Variants in BICRA observed in about 807,000 individuals in gnomAD.
The protein encoded by BICRA is BRD4-interacting chromatin-remodeling complex-associated protein.
A neutral mutation model predicts 96.9 loss-of-function variants in BICRA; 31 were observed. The ratio of observed to expected loss-of-function variants is 0.32; its 90% confidence interval spans 0.24 to 0.43. BICRA has a LOEUF of 0.43. Ranked by LOEUF, BICRA falls within the 20% of genes least tolerant of loss-of-function variation. BICRA has a pLI of 1.00. For missense variants in BICRA, 2,283 were observed against 2,190.3 expected (o/e 1.04, Z -0.84); for synonymous variants, 1,350 against 1,071.8 (o/e 1.26, Z -5.07).
rs750780687 is a variant in BICRA, at chr19:47,679,738, A to C, written c.568A>C (p.Lys190Gln). 1.3e-6 allele frequency: 2 copies of C among 1,537,500 alleles called. No homozygotes were observed. The highest frequency in any genetic ancestry group is 2.4e-5 in the South Asian group (2 of 82,708). Residue 190 changes from lysine to glutamine, a missense_variant, in exon 6 of 15, where the codon AAG becomes CAG. Transcript: ENST00000594866. ...GGTGCCGCCCCAGGACGTGGTCAAC[A>C]AGGCCCTGAGTGTGCAGCCCTTCCT... ...ALVPPQDVVN[K>Q]ALSVQPFLQP...
In BICRA at chr19:47,682,161, AC is replaced by A; in HGVS notation, c.2283+13del. On this transcript the variant is annotated intron_variant, in intron 7 of 14. Transcript: ENST00000594866. Reference sequence around the variant, plus strand: ...CGGCTCCGGCCCCCCAGGTAGAGGGACCCCAGCAGCCTGTGTCCGCAGCACA... The same window carrying A: ...CGGCTCCGGCCCCCCAGGTAGAGGGACCCAGCAGCCTGTGTCCGCAGCACA... 4.5e-6 allele frequency: 6 copies of A among 1,334,172 alleles called. No homozygotes were observed. Among genetic ancestry groups the A allele is most frequent in the Non-Finnish European group, 4.1e-6 (4 of 978,296 alleles). 82.6% of individuals were successfully genotyped at this position (1,334,172 alleles called of 1,614,324 possible).
intron 7 of BICRA, among the ~76,000 whole-genome samples, chr19:47,685,778 T>TGCGCGCGC (rs1297376745): frequency 4.5e-4 from 59 of 131,630 alleles, no homozygotes; most frequent in Non-Finnish European, 7.7e-4. Flanking sequence ...TGTGTGTGTG[T>TGCGCGCGC]GTGTGTGTGC....
rs1973462426 is a variant in BICRA, at chr19:47,701,975, G to C, written c.4243G>C (p.Ala1415Pro). The change falls in exon 15 of 15, where the codon GCG becomes CCG. Residue 1415 changes from alanine (A) to proline (P), a missense_variant. Coordinates refer to ENST00000594866, the MANE Select transcript of BICRA (RefSeq NM_001394372.1). This position sits in a 1 kb window ranked among gnomAD's most constrained non-coding sequence, Gnocchi z 5.4. ...AGGCAGGGCACGGGGAGGCAGCCCG[G>C]CGCCGCTGCCCGCCAAAGTGGACGA... Reference protein sequence around the residue: ...PAGRARGGSPAPLPAKVDEAT... With the variant: ...PAGRARGGSPPPLPAKVDEAT... 8.2e-6 allele frequency: 12 copies of C among 1,467,772 alleles called. No homozygotes were observed. Among genetic ancestry groups the C allele is most frequent in the Non-Finnish European group, 9.8e-6 (11 of 1,119,768 alleles). 90.9% of individuals were successfully genotyped at this position (1,467,772 alleles called of 1,614,324 possible). A position where few individuals can be genotyped will look rare whatever the true frequency, so the allele number is the denominator to read the frequency against.
rs71180861 is a variant in BICRA, at chr19:47,641,070, A to ATTTTT, written c.-107-29354_-107-29350dup. 1.4e-3 allele frequency among the ~76,000 whole-genome samples: 144 copies of ATTTTT among 104,512 alleles called. 2 individuals are homozygous for ATTTTT. Among genetic ancestry groups the ATTTTT allele is most frequent in the Non-Finnish European group, 2.0e-3 (111 of 54,176 alleles). 68.6% of individuals were successfully genotyped at this position (104,512 alleles called of 152,430 possible). On this transcript the variant is annotated intron_variant, in intron 1 of 14. Transcript: ENST00000594866. Reference sequence around the variant, plus strand: ...CACCCACCACCACCATGCCTGGCTAATTTTTTTTTTTTTTTTTTTTTTTGT... The same window carrying ATTTTT: ...CACCCACCACCACCATGCCTGGCTAATTTTTTTTTTTTTTTTTTTTTTTTTTTTGT...
At chr19:47,658,509 A>G (rs1035309164) in intron 1 of BICRA, among the ~76,000 whole-genome samples, 5 of 151,956 alleles carry the variant, frequency 3.3e-5, no homozygotes, top group Non-Finnish European at 5.9e-5. Flanking sequence ...GCGAGTGCCT[A>G]TAATCCCAGT....
intron 1 of BICRA, among the ~76,000 whole-genome samples, chr19:47,618,050 T>A (rs974808441): frequency 6.6e-6 from 1 of 152,212 alleles, no homozygotes; most frequent in African/African-American, 2.4e-5. Context: ...ATCCCCTTTT[T>A]GGGACTGTGG....
At chr19:47,637,781 C>A (rs753713447) in intron 1 of BICRA, among the ~76,000 whole-genome samples, 11 of 152,176 alleles carry the variant, frequency 7.2e-5, no homozygotes, top group Non-Finnish European at 1.6e-4. Flanking sequence ...TTCACATAAA[C>A]ATGATCGTAC....
chr19:47,664,720 G>A (rs989764132), intron 1 of BICRA, among the ~76,000 whole-genome samples: 3 of 152,210 alleles, frequency 2.0e-5, no homozygotes, highest in South Asian at 2.1e-4. Flanking sequence ...GCAGTGGTCC[G>A]TGGTGGCAGA....
chr19:47,634,316 G>A (rs1004702890), intron 1 of BICRA, among the ~76,000 whole-genome samples: 6 of 152,132 alleles, frequency 3.9e-5, no homozygotes, highest in Non-Finnish European at 8.8e-5. Flanking sequence ...GGACTAACTC[G>A]GGCCTGCCCT....
chr19:47,659,033 A>G (rs1159361475), intron 1 of BICRA, among the ~76,000 whole-genome samples: 1 of 152,242 alleles, frequency 6.6e-6, no homozygotes, highest in Non-Finnish European at 1.5e-5. Flanking sequence ...GCATTGAGAA[A>G]AATCCAAACC....
chr19:47,683,745 G>A (rs1031237500), intron 7 of BICRA, among the ~76,000 whole-genome samples: 22 of 151,830 alleles, frequency 1.4e-4, no homozygotes, highest in South Asian at 4.1e-4. Context: ...CCACCACGCC[G>A]GGCTAATTTT....
At chr19:47,631,769 C>T (rs1272383168) in intron 1 of BICRA, among the ~76,000 whole-genome samples, 1 of 152,134 alleles carries the variant, frequency 6.6e-6, no homozygotes, top group Non-Finnish European at 1.5e-5. Flanking sequence ...CTGACTCAGC[C>T]TCCCAAGTAG....
chr19:47,612,612 A>AG (rs1321990696), intron 1 of BICRA, among the ~76,000 whole-genome samples: 1 of 143,934 alleles, frequency 6.9e-6, no homozygotes, highest in Non-Finnish European at 1.5e-5. Context: ...GCTTAGCTGT[A>AG]GGGGCTGGGG....
At position 47,701,277 on chromosome 19, in the gene BICRA, C is replaced by T. The variant is rs367973690; in HGVS notation, c.3596-51C>T. 173 of 1,350,430 alleles carry T rather than the reference C, an allele frequency of 1.3e-4. No individual in the cohort carries two copies. In the African/African-American group the frequency reaches 2.0e-3, roughly 16 times the overall value. 83.7% of individuals were successfully genotyped at this position (1,350,430 alleles called of 1,614,324 possible). On this transcript the variant is annotated intron_variant, in intron 14 of 14. Coordinates refer to ENST00000594866, the MANE Select transcript of BICRA (RefSeq NM_001394372.1). The surrounding 1 kb of genome is among the most constrained non-coding windows in gnomAD (Gnocchi z 5.4). ...TGCACACAGCTCCTCCCAGCTCGGT[C>T]GGGGGGTCCTCATCCTAACCCCGCG...
intron 1 of BICRA, among the ~76,000 whole-genome samples, chr19:47,642,112 C>CT: frequency 6.6e-6 from 1 of 152,202 alleles, no homozygotes. Flanking sequence ...AGCATGTACT[C>CT]TTTTGTATCA....
At chr19:47,627,066 AG>A (rs1972152598) in intron 1 of BICRA, among the ~76,000 whole-genome samples, 1 of 152,080 alleles carries the variant, frequency 6.6e-6, no homozygotes, top group African/African-American at 2.4e-5. Context: ...CCCTTGGTAC[AG>A]GGGCCAAGAC....
At position 47,679,600 on chromosome 19, in the gene BICRA, A is replaced by G; in HGVS notation, c.430A>G (p.Thr144Ala). The part of the protein sequence containing the change: ...LQPADGGAGP[T>A]GAGGAAAVAA... ...GCCTGCGGATGGCGGGGCAGGCCCG[A>G]CGGGCGCTGGAGGGGCAGCGGCCGT... The change falls in exon 6 of 15, where the codon ACG (threonine) becomes GCG (alanine). Residue 144 changes from threonine to alanine, a missense_variant. By Grantham distance (58) the Thr-to-Ala change is moderately conservative. Transcript: ENST00000594866. The G allele has an allele frequency of 1.3e-6, 2 of 1,531,776 alleles. No individual in the cohort carries two copies. The highest frequency in any genetic ancestry group is 2.4e-5 in the South Asian group (2 of 81,690). The allele number at this position is 1,531,776 out of a possible 1,614,324, so 94.9% of individuals were successfully genotyped here.
chr19:47,699,259 C>T lies in BICRA; in HGVS notation c.3493-44C>T. 1 of 1,185,418 alleles carries T rather than the reference C, an allele frequency of 8.4e-7. No homozygotes were observed. The highest frequency in any genetic ancestry group is 1.3e-5 in the South Asian group (1 of 76,740). 73.4% of individuals were successfully genotyped at this position (1,185,418 alleles called of 1,614,324 possible). ...TCCCCGTCGCTCGCGCCCCTTCCCC[C>T]TTCTTGCTGGTTCACTCGCACGTCG... On this transcript the variant is annotated intron_variant, in intron 13 of 14. Coordinates refer to ENST00000594866, the MANE Select transcript of BICRA (RefSeq NM_001394372.1). This position sits in a 1 kb window ranked among gnomAD's most constrained non-coding sequence, Gnocchi z 5.0.
Position 47,701,595 on chromosome 19 carries a change from C to T in BICRA, c.3863C>T (p.Pro1288Leu). 2 of 1,558,228 alleles carry T rather than the reference C, an allele frequency of 1.3e-6. No individual in the cohort carries two copies. Among genetic ancestry groups the T allele is most frequent in the African/African-American group, 1.4e-5 (1 of 73,532 alleles). ...ASSLDADEDGPMPSRNRPPIK... is the reference protein window; with the variant it reads ...ASSLDADEDGLMPSRNRPPIK... The stretch of plus-strand genomic sequence containing the variant: ...TCCTTGGACGCCGACGAGGACGGCC[C>T]CATGCCCTCCCGCAACCGCCCGCCC... The change falls in exon 15 of 15, where the codon CCC becomes CTC. Residue 1288 changes from proline (P) to leucine (L), a missense_variant. Pro to Leu is a moderately conservative substitution (Grantham distance 98). Transcript: ENST00000594866. This position sits in a 1 kb window ranked among gnomAD's most constrained non-coding sequence, Gnocchi z 5.4.
Sources: allele counts gnomAD v4.1 joint callset (sites outside exome capture counted in the v4.1 genomes callset), GRCh38; gene constraint gnomAD v4.1.1; non-coding constraint Gnocchi (gnomAD v3.1); transcripts MANE v1.5; gene names NCBI Gene and HGNC (gene_info 2026-07-23, HGNC 2026-07-21).